The following CPVL variants were observed in gnomAD, a reference collection of about 807,000 sequenced individuals.
CPVL encodes probable serine carboxypeptidase CPVL.
CPVL carries 51 observed loss-of-function variants against 63.7 expected under a neutral mutation model. The ratio of observed to expected loss-of-function variants is 0.80; its 90% CI spans 0.64 to 1.01. The LOEUF (loss-of-function observed/expected upper bound fraction) is 1.01. Among genes scored for constraint, CPVL ranks in the 50% least tolerant of loss-of-function variants. The probability of loss-of-function intolerance (pLI) is 0.00; values close to 1 mark genes in which losing one functional copy is unlikely to be tolerated. For synonymous variants in CPVL, 195 were observed against 206.0 expected (o/e 0.95, Z 0.46); for missense variants, 530 against 573.1 (o/e 0.92, Z 0.77).
intron 11 of CPVL, among the ~76,000 whole-genome samples, chr7:29,039,119 AG>A (rs757035891): frequency 6.6e-6 from 1 of 152,246 alleles, no homozygotes; most frequent in Non-Finnish European, 1.5e-5. Context: ...TCCTTAGAAG[AG>A]GGGCCAAGAA....
At chr7:29,025,991 A>G (rs868711219) in intron 12 of CPVL, among the ~76,000 whole-genome samples, 12 of 152,296 alleles carry the variant, frequency 7.9e-5, no homozygotes, top group African/African-American at 1.4e-4. Context: ...TTTACAGAAC[A>G]TGTTATCCAA....
At chr7:29,072,543 T>TAA in intron 7 of CPVL, 120 bp from the exon 8 acceptor site, 1 of 1,107,374 alleles carries the variant, frequency 9.0e-7, no homozygotes, top group Non-Finnish European at 1.3e-6. Flanking sequence ...ATACCATCTG[T>TAA]TTCTTAACCC....
chr7:29,080,557 CAA>C (rs138264408), intron 7 of CPVL, among the ~76,000 whole-genome samples: 13,140 of 103,462 alleles, frequency 0.13, 665 homozygotes, highest in Middle Eastern at 0.18. Flanking sequence ...CACTTTGTCT[CAA>C]AAAAAAAAAA....
At chr7:29,007,818 G>A (rs538934792) in intron 12 of CPVL, among the ~76,000 whole-genome samples, 29 of 152,086 alleles carry the variant, frequency 1.9e-4, no homozygotes, top group Non-Finnish European at 3.7e-4. Context: ...GGTAGAGGCC[G>A]ATTTGATTTT....
intron 1 of CPVL, among the ~76,000 whole-genome samples, chr7:29,123,809 T>C (rs904606817): frequency 5.3e-5 from 8 of 150,698 alleles, no homozygotes; most frequent in Non-Finnish European, 1.0e-4. Context: ...ATGGAAGCCA[T>C]TAATATTTAA....
chr7:28,998,016 T>G (rs1239264690), intron 12 of CPVL, among the ~76,000 whole-genome samples: 1 of 152,156 alleles, frequency 6.6e-6, no homozygotes, highest in Non-Finnish European at 1.5e-5. Flanking sequence ...TGTAGAAGCT[T>G]GCAACTGGAA....
intron 12 of CPVL, among the ~76,000 whole-genome samples, chr7:28,996,827 G>A (rs1343934691): frequency 1.3e-5 from 2 of 151,996 alleles, no homozygotes; most frequent in Non-Finnish European, 2.9e-5. Flanking sequence ...TGGGCATGTA[G>A]TGCACTTCCC....
intron 1 of CPVL, among the ~76,000 whole-genome samples, chr7:29,141,959 T>C (rs1791938590): frequency 6.6e-6 from 1 of 151,650 alleles, no homozygotes; most frequent in African/African-American, 2.4e-5. Context: ...GATAGACAAG[T>C]TCATTAAATT....
rs991792476 is a variant in CPVL, at chr7:29,099,485, C to A, written c.289-3268G>T. 2.0e-5 allele frequency among the ~76,000 whole-genome samples: 3 copies of A among 152,076 alleles called. No individual in the cohort carries two copies. The South Asian group carries it at 6.2e-4, about 31-fold the overall frequency. The stretch of plus-strand genomic sequence containing the variant: ...CCAGCACTTTGGGAGGCCGAGGCAG[C>A]AAGATCACCTGAGGTCAGGAGTTCG... On this transcript the variant is annotated intron_variant, in intron 3 of 12. Coordinates refer to ENST00000265394, the MANE Select transcript of CPVL (RefSeq NM_031311.5).
At chr7:29,027,294 T>A (rs1350938636) in intron 12 of CPVL, among the ~76,000 whole-genome samples, 1 of 152,136 alleles carries the variant, frequency 6.6e-6, no homozygotes, top group Non-Finnish European at 1.5e-5. Context: ...CATCCCTTCA[T>A]GATAAAAACT....
At chr7:29,186,373 A>G (rs1302871365) in intron 2 of CPVL, 1 of 152,232 alleles carries the variant, frequency 6.6e-6, no homozygotes, top group Admixed American at 6.5e-5. Flanking sequence ...ACCTGGGCCC[A>G]GGAGTCTGAG....
At chr7:29,039,516 A>G (rs866168360) in intron 11 of CPVL, among the ~76,000 whole-genome samples, 3 of 152,226 alleles carry the variant, frequency 2.0e-5, no homozygotes, top group South Asian at 4.1e-4. Flanking sequence ...TGTGCTTTTA[A>G]TACAGCCTGA....
At chr7:29,057,564 T>C (rs1355764935) in intron 11 of CPVL, among the ~76,000 whole-genome samples, 2 of 152,182 alleles carry the variant, frequency 1.3e-5, no homozygotes, top group Non-Finnish European at 2.9e-5. Flanking sequence ...ATCTGAAACA[T>C]CAACACCATA....
At chr7:29,099,499 G>A (rs1449847208) in intron 3 of CPVL, among the ~76,000 whole-genome samples, 7 of 152,150 alleles carry the variant, frequency 4.6e-5, no homozygotes, top group African/African-American at 1.7e-4. Flanking sequence ...ATCACCTGAG[G>A]TCAGGAGTTC....
At chr7:29,112,621 CT>C (rs1788356462) in intron 3 of CPVL, 82 bp downstream of exon 3, 1 of 856,714 alleles carries the variant, frequency 1.2e-6, no homozygotes, top group Non-Finnish European at 1.9e-6. Context: ...TTTTAAAGAC[CT>C]GTAGCTCGGT....
intron 11 of CPVL, among the ~76,000 whole-genome samples, chr7:29,039,930 T>C (rs1788908250): frequency 6.6e-6 from 1 of 152,238 alleles, no homozygotes; most frequent in South Asian, 2.1e-4. Context: ...TTTTTCCCAA[T>C]GATCTAGTGA....
chr7:29,159,917 T>C (rs949495791), intron 5 of CPVL, among the ~76,000 whole-genome samples: 2 of 152,238 alleles, frequency 1.3e-5, no homozygotes, highest in African/African-American at 4.8e-5. Context: ...TGGAAGGACG[T>C]AATTAATTGT....
intron 5 of CPVL, among the ~76,000 whole-genome samples, chr7:29,164,238 GA>G (rs1285427852): frequency 6.6e-6 from 1 of 152,068 alleles, no homozygotes; most frequent in Admixed American, 6.6e-5. Flanking sequence ...TTTTCCTAAT[GA>G]CTAATGATGT....
At chr7:29,103,191 G>A (rs989032215) in intron 3 of CPVL, among the ~76,000 whole-genome samples, 2 of 137,656 alleles carry the variant, frequency 1.5e-5, no homozygotes, top group African/African-American at 5.1e-5. Context: ...GGGGGGGGGG[G>A]GGGGGTGCTA....
Sources: gnomAD v4.1 joint callset for allele counts (sites outside exome capture counted in the v4.1 genomes callset) on GRCh38, gnomAD v4.1.1 for gene constraint, MANE v1.5 for transcripts, NCBI Gene and HGNC (gene_info 2026-07-23, HGNC 2026-07-21) for gene names.